The following CCDC146 variants were observed in gnomAD, a reference collection of about 807,000 sequenced individuals.
CCDC146 encodes the protein coiled-coil domain containing 146.
CCDC146 carries 92 observed loss-of-function variants against 119.3 expected under a neutral mutation model. The ratio of observed to expected loss-of-function variants is 0.77; its 90% confidence interval spans 0.65 to 0.92. The LOEUF (loss-of-function observed/expected upper bound fraction) is 0.92, where lower values mean the gene tolerates loss of function less well. Ranked by LOEUF, CCDC146 falls within the 40% of genes least tolerant of loss-of-function variation. The probability of loss-of-function intolerance (pLI) is 0.00; values close to 1 mark genes in which losing one functional copy is unlikely to be tolerated. For synonymous variants in CCDC146, 372 were observed against 371.8 expected (o/e 1.00, Z -0.01); for missense variants, 1,000 against 1,103.0 (o/e 0.91, Z 1.32).
In CCDC146 at chr7:77,180,930, T is replaced by C. The variant is rs78110162; in HGVS notation, c.156+13106T>C. The stretch of plus-strand genomic sequence containing the variant: ...GTCACTCTGATAAGGAAAAAGAATG[T>C]TATTTCATGATAGTCTTTTAAAATA... On this transcript the variant is annotated intron_variant, in intron 2 of 18. Coordinates refer to ENST00000285871, the MANE Select transcript of CCDC146 (RefSeq NM_020879.3). 8.4e-3 allele frequency among the ~76,000 whole-genome samples: 1,278 copies of C among 152,374 alleles called. 63 individuals are homozygous for C. The East Asian group carries it at 0.14, about 17-fold the overall frequency.
chr7:77,248,794 T>A (rs1048281410), intron 4 of CCDC146, among the ~76,000 whole-genome samples: 4 of 152,246 alleles, frequency 2.6e-5, no homozygotes, highest in African/African-American at 9.6e-5. Flanking sequence ...ATTTCCAAAA[T>A]GTCATTCTAG....
chr7:77,271,513 G>GATATATAT (rs56661430), intron 9 of CCDC146, among the ~76,000 whole-genome samples: 11 of 71,362 alleles, frequency 1.5e-4, no homozygotes, highest in Non-Finnish European at 2.4e-4. Flanking sequence ...ACTAATAGGA[G>GATATATAT]ATATATATAT....
Position 77,175,963 on chromosome 7 carries a change from G to A in CCDC146, c.156+8139G>A, listed in dbSNP as rs143232446. ...CAAAAGGCATATGAGGATACAAGCAGTGTTATCAGAAGGGAAAGGGAGGCT... is the reference window on the plus strand; with the variant it reads ...CAAAAGGCATATGAGGATACAAGCAATGTTATCAGAAGGGAAAGGGAGGCT... On this transcript the variant is annotated intron_variant, in intron 2 of 18. Coordinates refer to ENST00000285871, the MANE Select transcript of CCDC146 (RefSeq NM_020879.3). 4.6e-5 allele frequency among the ~76,000 whole-genome samples: 7 copies of A among 151,376 alleles called. 1 individual carries two copies. In the East Asian group the frequency reaches 1.4e-3, roughly 30 times the overall value.
chr7:77,192,786 G>GATGGT (rs1791792514), intron 2 of CCDC146, among the ~76,000 whole-genome samples: 1 of 152,070 alleles, frequency 6.6e-6, no homozygotes, highest in Non-Finnish European at 1.5e-5. Context: ...AGCTGGGCGA[G>GATGGT]GTGGCAGGCG....
chr7:77,141,739 A>G lies in CCDC146; in HGVS notation c.-12+19007A>G, dbSNP rs1428673384. ...CTTCTTTTGAGAAGTCTATGTTTGT[A>G]TCCTTTGCCTCTTTTTGATGGGGTT... is the stretch of plus-strand genomic sequence containing the variant. On this transcript the variant is annotated intron_variant, in intron 1 of 18. Transcript: ENST00000285871. Among the ~76,000 whole-genome samples the G allele has an allele frequency of 2.6e-5, 4 of 152,042 alleles. No individual in the cohort carries two copies. In the East Asian group the frequency reaches 7.7e-4, roughly 29 times the overall value.
Position 77,292,960 on chromosome 7 carries a change from C to T in CCDC146, c.2424C>T (p.Gly808=). 2.5e-6 allele frequency: 4 copies of T among 1,613,330 alleles called. No homozygotes were observed. The highest frequency in any genetic ancestry group is 1.1e-5 in the South Asian group (1 of 90,984). Residue 808 remains glycine, a synonymous_variant, in exon 18 of 19, where the codon GGC becomes GGT. Coordinates refer to ENST00000285871, the MANE Select transcript of CCDC146 (RefSeq NM_020879.3). ...DTLLLAKKMN[G]YQRRIKNATE... is the part of the protein sequence containing the mutation. ...GGGCTCTTTAATTCTAGATGAATGG[C>T]TATCAAAGAAGGATCAAAAATGCAA... is the stretch of plus-strand genomic sequence containing the variant.
chr7:77,278,668 T>C lies in CCDC146; in HGVS notation c.1441-84T>C, dbSNP rs75068260. On this transcript the variant is annotated intron_variant, in intron 11 of 18. Coordinates refer to ENST00000285871, the MANE Select transcript of CCDC146 (RefSeq NM_020879.3). ...CTATGTTGCCTAGGCTGGAGAATTG[T>C]CTTTAATGGAAGGGAATGATGTGGG... 6.8e-3 allele frequency: 6,493 copies of C among 957,964 alleles called. 309 individuals are homozygous for C. In the East Asian group the frequency reaches 0.11, roughly 17 times the overall value. 59.3% of individuals were successfully genotyped at this position (957,964 alleles called of 1,614,324 possible).
At chr7:77,159,610 G>A (rs1222597603) in intron 1 of CCDC146, among the ~76,000 whole-genome samples, 6 of 152,088 alleles carry the variant, frequency 3.9e-5, no homozygotes, top group South Asian at 2.1e-4. Context: ...TGCCAATATC[G>A]CTTCGAGATC....
chr7:77,157,971 T>C (rs1183611491), intron 1 of CCDC146, among the ~76,000 whole-genome samples: 1 of 152,202 alleles, frequency 6.6e-6, no homozygotes, highest in African/African-American at 2.4e-5. Context: ...CTCCAGATTG[T>C]TTCCTTGCCT....
At chr7:77,253,671 A>G (rs1195782214) in intron 4 of CCDC146, among the ~76,000 whole-genome samples, 1 of 152,194 alleles carries the variant, frequency 6.6e-6, no homozygotes, top group African/African-American at 2.4e-5. Context: ...TAGTGGGGAG[A>G]TGTGTAATAT....
Position 77,262,205 on chromosome 7 carries a change from A to G in CCDC146, c.1071A>G (p.Lys357=), listed in dbSNP as rs1467261262. The change falls in exon 9 of 19, where the codon AAA becomes AAG. Residue 357 remains lysine (K), a synonymous_variant. Coordinates refer to ENST00000285871, the MANE Select transcript of CCDC146 (RefSeq NM_020879.3). Reference sequence around the variant, plus strand: ...AACTTTCTCGTAAGCAAAGAGAGAAAGAACGAGATTTTCGAAATTTAAGAA... The same window carrying G: ...AACTTTCTCGTAAGCAAAGAGAGAAGGAACGAGATTTTCGAAATTTAAGAA... ...HDELSRKQRE[K]ERDFRNLRKM... 6.2e-7 allele frequency: 1 copy of G among 1,614,078 alleles called. No individual in the cohort carries two copies. Among genetic ancestry groups the G allele is most frequent in the Non-Finnish European group, 8.5e-7 (1 of 1,179,982 alleles).
chr7:77,208,954 C>T (rs987356909), intron 2 of CCDC146, among the ~76,000 whole-genome samples: 2 of 152,222 alleles, frequency 1.3e-5, no homozygotes, highest in African/African-American at 4.8e-5. Context: ...CCTGCCTTAC[C>T]TCCCAAAGTG....
intron 1 of CCDC146, among the ~76,000 whole-genome samples, chr7:77,160,391 C>G (rs577489464): frequency 2.0e-3 from 306 of 152,296 alleles, no homozygotes; most frequent in African/African-American, 7.1e-3. Context: ...TTGATTCTTT[C>G]TACCCATGAG....
chr7:77,221,816 A>G (rs1792409296), intron 2 of CCDC146, among the ~76,000 whole-genome samples: 1 of 152,224 alleles, frequency 6.6e-6, no homozygotes, highest in African/African-American at 2.4e-5. Context: ...GCAGTGTTCT[A>G]GATGCTCAGG....
At chr7:77,213,816 A>G (rs372841084) in intron 2 of CCDC146, among the ~76,000 whole-genome samples, 2 of 152,116 alleles carry the variant, frequency 1.3e-5, no homozygotes, top group East Asian at 1.9e-4. Context: ...CTTTTTTATG[A>G]CTGCATAGTA....
intron 1 of CCDC146, among the ~76,000 whole-genome samples, chr7:77,144,903 C>G (rs11767328): frequency 0.19 from 29,249 of 151,298 alleles, 3,392 homozygotes; most frequent in Non-Finnish European, 0.21. Context: ...TCTCTGCCAG[C>G]CTTTGGTATC....
In CCDC146 at chr7:77,264,754, C is replaced by A. The variant is rs188150304; in HGVS notation, c.1173+2447C>A. 2.5e-3 allele frequency among the ~76,000 whole-genome samples: 374 copies of A among 152,242 alleles called. 4 individuals are homozygous for A. Among genetic ancestry groups the A allele is most frequent in the African/African-American group, 8.5e-3 (353 of 41,556 alleles). ...ACTTTTGCTTTCTCTGTATCCCATC[C>A]GCTTCATGTTCCATTTTCTCTCCCA... On this transcript the variant is annotated intron_variant, in intron 9 of 18. Coordinates refer to ENST00000285871, the MANE Select transcript of CCDC146 (RefSeq NM_020879.3).
chr7:77,237,328 G>A lies in CCDC146; in HGVS notation c.239+299G>A, dbSNP rs529138825. The stretch of plus-strand genomic sequence containing the variant: ...CACCTCAGCACTCTCCCACTGAAGA[G>A]TGAGGAAACTGGAATATTTGCCCAC... On this transcript the variant is annotated intron_variant, in intron 3 of 18. Coordinates refer to ENST00000285871, the MANE Select transcript of CCDC146 (RefSeq NM_020879.3). 9.8e-5 allele frequency among the ~76,000 whole-genome samples: 15 copies of A among 152,322 alleles called. No individual in the cohort carries two copies. The East Asian group carries it at 1.5e-3, about 16-fold the overall frequency.
chr7:77,239,930 C>T (rs1399191025), intron 3 of CCDC146, among the ~76,000 whole-genome samples: 1 of 152,212 alleles, frequency 6.6e-6, no homozygotes, highest in Non-Finnish European at 1.5e-5. Context: ...TCTACCGTGA[C>T]CTTCAAGTCC....
Sources: allele counts gnomAD v4.1 joint callset (sites outside exome capture counted in the v4.1 genomes callset), GRCh38; gene constraint gnomAD v4.1.1; transcripts MANE v1.5; gene names NCBI Gene and HGNC (gene_info 2026-07-23, HGNC 2026-07-21).